NAALADL2: variants seen among roughly 807,000 people sequenced by gnomAD.
The protein encoded by NAALADL2 is N-acetylated alpha-linked acidic dipeptidase like 2.
Under a neutral mutation model 87.2 loss-of-function variants are expected in NAALADL2, and 76 were observed. The observed-to-expected ratio is 0.87, with a 90% CI of 0.72 to 1.05. The LOEUF is 1.05. NAALADL2 is among the 50% of genes least tolerant of loss of function. NAALADL2 has a pLI of 0.00. For missense variants in NAALADL2, 1,089 were observed against 945.8 expected (o/e 1.15, Z -1.99); for synonymous variants, 354 against 331.0 (o/e 1.07, Z -0.75).
intron 1 of NAALADL2, among the ~76,000 whole-genome samples, chr3:174,962,436 T>TGTC (rs1742251746): frequency 1.2e-4 from 16 of 134,164 alleles, no homozygotes; most frequent in East Asian, 4.0e-4. Flanking sequence ...TATATATGTA[T>TGTC]ATTTTTAAGT....
chr3:175,065,608 A>C (rs1452106176), intron 1 of NAALADL2, among the ~76,000 whole-genome samples: 3 of 152,182 alleles, frequency 2.0e-5, no homozygotes, highest in Non-Finnish European at 4.4e-5. Flanking sequence ...TTTTAGACAC[A>C]TTTATGTTTG....
At chr3:174,685,314 T>G (rs1390897201) in intron 2 of NAALADL2, among the ~76,000 whole-genome samples, 1 of 152,064 alleles carries the variant, frequency 6.6e-6, no homozygotes, top group African/African-American at 2.4e-5. Context: ...ATCATCATCT[T>G]GATTCTTCTC....
intron 2 of NAALADL2, among the ~76,000 whole-genome samples, chr3:175,232,105 A>G (rs944347094): frequency 6.6e-6 from 1 of 151,922 alleles, no homozygotes; most frequent in African/African-American, 2.4e-5. Context: ...TAAAAAGAAG[A>G]AGGAGAAGGA....
intron 3 of NAALADL2, among the ~76,000 whole-genome samples, chr3:174,826,219 C>T (rs959243405): frequency 6.6e-6 from 1 of 152,146 alleles, no homozygotes; most frequent in Admixed American, 6.5e-5. Context: ...ATCTGTCTTT[C>T]CAACTAGAAA....
In NAALADL2 at chr3:175,672,990, C is replaced by T. The variant is rs114089683; in HGVS notation, c.1896+45604C>T. ...TCAGTTATATGTTATATTACCCAAG[C>T]CATAGTTATTTTATGAGGAATATTA... On this transcript the variant is annotated intron_variant, in intron 11 of 13. Coordinates refer to ENST00000454872, the MANE Select transcript of NAALADL2 (RefSeq NM_207015.3). 1.5e-3 allele frequency among the ~76,000 whole-genome samples: 234 copies of T among 152,110 alleles called. 1 individual carries two copies. Among genetic ancestry groups the T allele is most frequent in the African/African-American group, 5.2e-3 (217 of 41,514 alleles).
chr3:174,561,455 C>T (rs1713608799), intron 2 of NAALADL2, among the ~76,000 whole-genome samples: 1 of 152,082 alleles, frequency 6.6e-6, no homozygotes, highest in African/African-American at 2.4e-5. Flanking sequence ...CCTCCTCGGC[C>T]TCCCAAAGTG....
At chr3:174,588,079 C>T (rs941910160) in intron 2 of NAALADL2, among the ~76,000 whole-genome samples, 5 of 152,182 alleles carry the variant, frequency 3.3e-5, no homozygotes, top group African/African-American at 1.2e-4. Flanking sequence ...TCTTTTTACT[C>T]TTTTTTCTGT....
intron 1 of NAALADL2, among the ~76,000 whole-genome samples, chr3:174,876,159 C>A (rs544396448): frequency 1.9e-3 from 294 of 152,126 alleles, no homozygotes; most frequent in Non-Finnish European, 3.6e-3. Flanking sequence ...ATACATTCTG[C>A]ACAAAATACA....
chr3:175,630,434 G>T (rs1727600065), intron 11 of NAALADL2, among the ~76,000 whole-genome samples: 1 of 151,536 alleles, frequency 6.6e-6, no homozygotes, highest in Non-Finnish European at 1.5e-5. Flanking sequence ...GTTTTCTCTA[G>T]AAATGAAGTA....
chr3:175,632,600 T>C (rs1727951081), intron 11 of NAALADL2, among the ~76,000 whole-genome samples: 1 of 152,054 alleles, frequency 6.6e-6, no homozygotes, highest in Admixed American at 6.6e-5. Flanking sequence ...ACAGGATGTA[T>C]GATATAGGAG....
At chr3:175,755,439 A>C (rs1034024746) in intron 13 of NAALADL2, 21 bp downstream of exon 13, 1 of 1,533,818 alleles carries the variant, frequency 6.5e-7, no homozygotes. Flanking sequence ...TGTCTCAAAA[A>C]TTATACTTTT....
intron 10 of NAALADL2, among the ~76,000 whole-genome samples, chr3:175,597,523 A>G (rs1184106870): frequency 6.6e-6 from 1 of 151,940 alleles, no homozygotes; most frequent in East Asian, 1.9e-4. Flanking sequence ...CTCTTTATCT[A>G]TAGAGTGAGA....
chr3:175,678,690 C>T (rs1442883867), intron 11 of NAALADL2, among the ~76,000 whole-genome samples: 1 of 152,084 alleles, frequency 6.6e-6, no homozygotes, highest in Non-Finnish European at 1.5e-5. Context: ...CACTTGGACA[C>T]AGGGTGGGGA....
In NAALADL2 at chr3:174,669,673, G is replaced by A. The variant is rs917566339; in HGVS notation, c.-114-67968G>A. ...CTGCTGTATTTTGGAATTAGGAAGTGTGATGCTTCTAATTTTGTTCTTTTT... is the reference window on the plus strand; with the variant it reads ...CTGCTGTATTTTGGAATTAGGAAGTATGATGCTTCTAATTTTGTTCTTTTT... On this transcript the variant is annotated intron_variant, in intron 2 of 3. Coordinates refer to the NAALADL2 transcript ENST00000434257. Among the ~76,000 whole-genome samples, 39 of 152,152 alleles carry A rather than the reference G, an allele frequency of 2.6e-4. 1 individual carries two copies. Among genetic ancestry groups the A allele is most frequent in the Non-Finnish European group, 5.4e-4 (37 of 67,990 alleles).
rs1560026546 is a variant in NAALADL2 at position 174,519,308 on chromosome 3, TGAA to T, written c.-183-31260_-183-31258del. ...CCCTCAGCAAAGTTTTTGAAACAAG[TGAA>T]TGAATGAAGATTTCCTTTTTTTTTT... On this transcript the variant is annotated intron_variant, in intron 1 of 3. Coordinates refer to the NAALADL2 transcript ENST00000434257. Among the ~76,000 whole-genome samples, 448 of 149,724 alleles carry T rather than the reference TGAA, an allele frequency of 3.0e-3. 5 individuals are homozygous for T. The highest frequency in any genetic ancestry group is 0.011 in the African/African-American group (436 of 39,646).
chr3:175,379,834 G>A (rs1581656792), intron 5 of NAALADL2, among the ~76,000 whole-genome samples: 2 of 152,270 alleles, frequency 1.3e-5, no homozygotes, highest in South Asian at 2.1e-4. Flanking sequence ...TGATTAAAGA[G>A]TACCAAGAAT....
chr3:174,884,248 G>T (rs925461910), intron 1 of NAALADL2, among the ~76,000 whole-genome samples: 2 of 152,138 alleles, frequency 1.3e-5, no homozygotes, highest in Non-Finnish European at 2.9e-5. Flanking sequence ...TTGAACCCAT[G>T]AACCCTGGCC....
intron 2 of NAALADL2, among the ~76,000 whole-genome samples, chr3:174,557,599 A>G (rs183307735): frequency 3.2e-4 from 49 of 152,248 alleles, no homozygotes; most frequent in African/African-American, 1.1e-3. Context: ...CTTGTTTGTT[A>G]ATCTGCTCAT....
In NAALADL2 at chr3:174,922,309, T is replaced by TAA. The variant is rs35627069; in HGVS notation, c.43+62877_43+62878dup. On this transcript the variant is annotated intron_variant, in intron 1 of 13. Coordinates refer to ENST00000454872, the MANE Select transcript of NAALADL2 (RefSeq NM_207015.3). ...TGGGTGACAGAGTGAGACCTTATCT[T>TAA]AAAAAAAAAAAAAAAAAAATTGTCT... Among the ~76,000 whole-genome samples, 76 of 137,890 alleles carry TAA rather than the reference T, an allele frequency of 5.5e-4. 1 individual carries two copies. The East Asian group carries it at 0.012, about 21-fold the overall frequency. The allele number at this position is 137,890 out of a possible 152,430, so 90.5% of individuals were successfully genotyped here.
Sources: allele counts gnomAD v4.1 joint callset (sites outside exome capture counted in the v4.1 genomes callset), GRCh38; gene constraint gnomAD v4.1.1; transcripts MANE v1.5; gene names NCBI Gene and HGNC (gene_info 2026-07-23, HGNC 2026-07-21).